STEAP3: variants seen among roughly 807,000 people sequenced by gnomAD.
STEAP3 encodes metalloreductase STEAP3.
A neutral mutation model predicts 34.9 loss-of-function variants in STEAP3; 35 were observed. The observed-to-expected ratio is 1.00, with a 90% confidence interval of 0.76 to 1.33. STEAP3 has a LOEUF of 1.33. Ranked by LOEUF, STEAP3 falls within the 40% of genes most tolerant of loss-of-function variation. The pLI, the probability that STEAP3 is intolerant of heterozygous loss-of-function variation, is 0.00. For missense variants in STEAP3, 652 were observed against 667.6 expected, an observed-to-expected ratio of 0.98 and a Z score of 0.26; for synonymous variants, 281 against 301.6, an observed-to-expected ratio of 0.93 and a Z score of 0.71.
At chr2:119,240,497 G>A (rs953006503) in intron 2 of STEAP3, among the ~76,000 whole-genome samples, 32 of 152,256 alleles carry the variant, frequency 2.1e-4, no homozygotes, top group East Asian at 1.2e-3. Context: ...AAAGGTGATC[G>A]GTGTCCATGA....
chr2:119,231,478 T>G (rs1422420864), intron 2 of STEAP3, among the ~76,000 whole-genome samples: 1 of 152,068 alleles, frequency 6.6e-6, no homozygotes, highest in Non-Finnish European at 1.5e-5. Context: ...CTGCATTGGT[T>G]TAGCACGGAA....
chr2:119,262,989 A>T, intron 5 of STEAP3, 68 bp from the exon 6 acceptor site: 1 of 1,570,336 alleles, frequency 6.4e-7, no homozygotes, highest in Non-Finnish European at 8.6e-7. Context: ...CCAGCAGATG[A>T]GTCGTTGGCA....
At chr2:119,233,306 A>G (rs1677000524) in intron 2 of STEAP3, among the ~76,000 whole-genome samples, 1 of 152,202 alleles carries the variant, frequency 6.6e-6, no homozygotes, top group African/African-American at 2.4e-5. Context: ...CTTTGACCAG[A>G]TCTGCAGCAG....
chr2:119,258,873 C>T (rs181026972), intron 5 of STEAP3, among the ~76,000 whole-genome samples: 89 of 151,056 alleles, frequency 5.9e-4, no homozygotes, highest in African/African-American at 2.0e-3. Flanking sequence ...CCGCCTGCCT[C>T]GGCCTTCCAA....
In STEAP3 at chr2:119,248,261, ACCT is replaced by A. The variant is rs1197683663; in HGVS notation, c.1050+58_1050+60del. ...GCAACTCAGCACATGCTTGTCCAGC[ACCT>A]CCCCCCCCCACCAACCAGGTGCAGC... On this transcript the variant is annotated intron_variant, in intron 4 of 5. Transcript: ENST00000393110. 444 of 1,392,470 alleles carry A rather than the reference ACCT, an allele frequency of 3.2e-4. 2 individuals carry two copies. The highest frequency in any genetic ancestry group is 2.4e-3 in the South Asian group (156 of 65,304). 86.3% of individuals were successfully genotyped at this position (1,392,470 alleles called of 1,614,324 possible).
chr2:119,257,249 A>G lies in STEAP3; in HGVS notation c.1215+2401A>G, dbSNP rs534856741. 2.0e-5 allele frequency among the ~76,000 whole-genome samples: 3 copies of G among 152,360 alleles called. No individual in the cohort carries two copies. The South Asian group carries it at 6.2e-4, about 32-fold the overall frequency. ...ATGGAATTGCTAGTTTTATTTGCAA[A>G]TGTAGCATACCTCGTTGTCTACCGG... On this transcript the variant is annotated intron_variant, in intron 5 of 5. Coordinates refer to ENST00000393110, the MANE Select transcript of STEAP3 (RefSeq NM_182915.3).
At chr2:119,253,465 C>T (rs1458473638) in intron 4 of STEAP3, among the ~76,000 whole-genome samples, 3 of 151,306 alleles carry the variant, frequency 2.0e-5, no homozygotes, top group Non-Finnish European at 4.4e-5. Flanking sequence ...TAACTGAGCT[C>T]GTGTTTTTTT....
intron 2 of STEAP3, among the ~76,000 whole-genome samples, chr2:119,236,926 GC>G (rs1202254902): frequency 2.6e-5 from 4 of 152,150 alleles, no homozygotes; most frequent in African/African-American, 9.7e-5. Flanking sequence ...GAACAGTTTA[GC>G]CCAAGGCACC....
intron 2 of STEAP3, among the ~76,000 whole-genome samples, chr2:119,236,312 T>G (rs1677093057): frequency 1.3e-5 from 2 of 152,216 alleles, no homozygotes; most frequent in East Asian, 3.8e-4. Context: ...GTGAGGAACA[T>G]CAGCCCATAG....
intron 2 of STEAP3, among the ~76,000 whole-genome samples, chr2:119,241,730 G>A (rs1192778812): frequency 2.6e-5 from 4 of 152,188 alleles, no homozygotes; most frequent in African/African-American, 9.7e-5. Context: ...TCCCTGGAAG[G>A]GAGCAGATGC....
chr2:119,258,529 T>C (rs1184524461), intron 5 of STEAP3, among the ~76,000 whole-genome samples: 1 of 152,044 alleles, frequency 6.6e-6, no homozygotes, highest in African/African-American at 2.4e-5. Context: ...TGACTTGTGC[T>C]TGCATTTATC....
chr2:119,245,351 G>A, intron 2 of STEAP3, 138 bp from the exon 3 acceptor site: 1 of 1,271,816 alleles, frequency 7.9e-7, no homozygotes, highest in Non-Finnish European at 1.1e-6. Flanking sequence ...CCCTGGTGCT[G>A]ACACGTGGTA....
intron 4 of STEAP3, 132 bp from the exon 5 acceptor site, chr2:119,254,552 A>T: frequency 2.0e-6 from 2 of 982,698 alleles, no homozygotes; most frequent in South Asian, 1.5e-5. Flanking sequence ...AGAAACGCTT[A>T]TCACAGAGCC....
intron 5 of STEAP3, among the ~76,000 whole-genome samples, chr2:119,262,827 C>CG (rs1677981305): frequency 6.6e-6 from 1 of 152,216 alleles, no homozygotes; most frequent in African/African-American, 2.4e-5. Flanking sequence ...TAGACACCTT[C>CG]AGCATAGAAG....
chr2:119,245,781 C>T lies in STEAP3; in HGVS notation c.315C>T (p.His105=), dbSNP rs766311071. ...TCTTTGTGGCTGTGTTCCGGGAGCA[C>T]TACTCTTCACTGTGCAGTCTCAGTG... is the stretch of plus-strand genomic sequence containing the variant. ...EVIFVAVFRE[H]YSSLCSLSDQ... The change falls in exon 3 of 6, where the codon CAC becomes CAT. Residue 105 remains histidine, a synonymous_variant. Coordinates refer to ENST00000393110, the MANE Select transcript of STEAP3 (RefSeq NM_182915.3). The T allele has an allele frequency of 4.3e-6, 7 of 1,614,240 alleles. No homozygotes were observed. The highest frequency in any genetic ancestry group is 5.9e-6 in the Non-Finnish European group (7 of 1,180,044).
In STEAP3 at chr2:119,230,090, G is replaced by A. The variant is rs1017628781; in HGVS notation, c.-393-530G>A. ...ATGTGGGCTTGAGATAAAGATGCCC[G>A]GGATACTTAGATGTGCCCTATTCCA... is the stretch of plus-strand genomic sequence containing the variant. On this transcript the variant is annotated intron_variant, in intron 1 of 5. Transcript: ENST00000393110. Among the ~76,000 whole-genome samples the A allele has an allele frequency of 1.2e-4, 18 of 152,168 alleles. No individual in the cohort carries two copies. The East Asian group carries it at 2.3e-3, about 20-fold the overall frequency.
Position 119,263,734 on chromosome 2 carries a change from C to T in STEAP3, c.*396C>T, listed in dbSNP as rs1388883374. The T allele has an allele frequency of 3.0e-6, 1 of 327,952 alleles. No individual in the cohort carries two copies. The highest frequency in any genetic ancestry group is 2.2e-5 in the African/African-American group (1 of 45,970). 20.3% of individuals were successfully genotyped at this position (327,952 alleles called of 1,614,324 possible). On this transcript the variant is annotated 3_prime_UTR_variant, in exon 6 of 6. Coordinates refer to ENST00000393110, the MANE Select transcript of STEAP3 (RefSeq NM_182915.3). ...CTGTGGTGGGTTCGATTTATCCCTG[C>T]CCACCCCACCCCCACAACTTCCCTT...
At chr2:119,246,119 C>T (rs1228720601) in intron 3 of STEAP3, 131 bp downstream of exon 3, 92 of 1,261,378 alleles carry the variant, frequency 7.3e-5, no homozygotes, top group Non-Finnish European at 8.5e-5. Context: ...TTCCATTTTA[C>T]AGAACAGGAA....
At chr2:119,257,574 A>G in intron 5 of STEAP3, 1 of 1,542,800 alleles carries the variant, frequency 6.5e-7, no homozygotes, top group Non-Finnish European at 8.8e-7. Flanking sequence ...AGGCCCTCGG[A>G]GCTTCTGCTG....
Sources: allele counts gnomAD v4.1 joint callset (sites outside exome capture counted in the v4.1 genomes callset), GRCh38; gene constraint gnomAD v4.1.1; transcripts MANE v1.5; gene names NCBI Gene and HGNC (gene_info 2026-07-23, HGNC 2026-07-21).